Variants in PRR14L observed in about 807,000 individuals in gnomAD.
PRR14L encodes the protein proline rich 14 like, also known as protein PRR14L.
A neutral mutation model predicts 155.0 loss-of-function variants in PRR14L; 80 were observed. That is an observed-to-expected ratio of 0.52 (90% CI 0.43 to 0.62). The LOEUF is 0.62. PRR14L is among the 20% of genes least tolerant of loss of function. The pLI, the probability that PRR14L is intolerant of heterozygous loss-of-function variation, is 0.00. For missense variants in PRR14L, 2,469 were observed against 2,548.0 expected (o/e 0.97, Z 0.67); for synonymous variants, 883 against 916.0 (o/e 0.96, Z 0.65).
intron 1 of PRR14L, among the ~76,000 whole-genome samples, chr22:31,742,311 T>C (rs1386968301): frequency 2.6e-5 from 4 of 152,116 alleles, no homozygotes; most frequent in Non-Finnish European, 4.4e-5. Flanking sequence ...CTTCACTTTC[T>C]TGATAACGTC....
At chr22:31,688,070 T>C (rs1054420436) in intron 8 of PRR14L, 86 bp downstream of exon 8, 109 of 1,148,996 alleles carry the variant, frequency 9.5e-5, no homozygotes, top group Non-Finnish European at 1.3e-4. Flanking sequence ...CAACTGAACA[T>C]AAACTCTTTC....
intron 4 of PRR14L, among the ~76,000 whole-genome samples, chr22:31,708,895 C>G (rs1184640552): frequency 6.6e-6 from 1 of 151,990 alleles, no homozygotes; most frequent in Non-Finnish European, 1.5e-5. Context: ...GGTGCAATCT[C>G]GGCTCAGCAC....
Position 31,716,343 on chromosome 22 carries a change from T to C in PRR14L, c.1496A>G (p.Asn499Ser). The change falls in exon 4 of 9, where the codon AAT (asparagine) becomes AGT (serine). Residue 499 changes from asparagine to serine, a missense_variant. This residue lies in a region of PRR14L where 2,363 missense variants were observed against 2,371.6 expected (regional missense o/e 1.00). Transcript: ENST00000327423. ...NPEDHKETFT[N>S]MSHPGGHSEE... ...AGAGTGTCCACCAGGATGGCTCATA[T>C]TAGTAAAAGTTTCTTTATGGTCCTC... is the stretch of plus-strand genomic sequence containing the variant. 6.4e-7 allele frequency: 1 copy of C among 1,551,258 alleles called. No homozygotes were observed. Among genetic ancestry groups the C allele is most frequent in the Non-Finnish European group, 8.7e-7 (1 of 1,146,866 alleles).
chr22:31,701,012 A>C (rs2074560471), intron 7 of PRR14L, among the ~76,000 whole-genome samples: 1 of 148,014 alleles, frequency 6.8e-6, no homozygotes, highest in Non-Finnish European at 1.5e-5. Flanking sequence ...TTTGAGACGG[A>C]GTTTTGCTCT....
chr22:31,745,863 T>A (rs9609358), intron 1 of PRR14L, among the ~76,000 whole-genome samples: 2,688 of 139,676 alleles, frequency 0.019, 27 homozygotes, highest in Non-Finnish European at 0.028. Context: ...AAAAAAAAAA[T>A]ATATATATAT....
At chr22:31,691,815 T>C (rs2074513155) in intron 7 of PRR14L, among the ~76,000 whole-genome samples, 2 of 152,170 alleles carry the variant, frequency 1.3e-5, no homozygotes, top group African/African-American at 4.8e-5. Context: ...TAGCTATGAA[T>C]AATGCTGCTG....
Position 31,714,547 on chromosome 22 carries a change from G to C in PRR14L, c.3292C>G (p.Arg1098Gly), listed in dbSNP as rs1267942769. The C allele has an allele frequency of 9.0e-6, 14 of 1,551,832 alleles. No individual in the cohort carries two copies. The highest frequency in any genetic ancestry group is 1.2e-5 in the Non-Finnish European group (14 of 1,147,062). Residue 1098 changes from arginine (R) to glycine (G), a missense_variant, in exon 4 of 9, where the codon CGG becomes GGG. Arg to Gly is a moderately radical substitution (Grantham distance 125). This residue lies in a region of PRR14L where 2,363 missense variants were observed against 2,371.6 expected (regional missense o/e 1.00). Coordinates refer to ENST00000327423, the MANE Select transcript of PRR14L (RefSeq NM_173566.3). Reference sequence around the variant, plus strand: ...GTATGTGCAGCATCCAGTTCTCTCCGAGACAAGGTACTCCTGGAGTCCTCT... The same window carrying C: ...GTATGTGCAGCATCCAGTTCTCTCCCAGACAAGGTACTCCTGGAGTCCTCT... ...FQEDSRSTLSRRELDAAHTGT... is the reference protein window; with the variant it reads ...FQEDSRSTLSGRELDAAHTGT...
chr22:31,688,090 A>C, intron 8 of PRR14L, 66 bp downstream of exon 8: 1 of 1,461,886 alleles, frequency 6.8e-7, no homozygotes, highest in South Asian at 1.3e-5. Context: ...CTAAAGTGAA[A>C]GGGCTGGAGA....
chr22:31,725,196 AC>A (rs2074710002), intron 3 of PRR14L, among the ~76,000 whole-genome samples: 1 of 152,042 alleles, frequency 6.6e-6, no homozygotes, highest in South Asian at 2.1e-4. Flanking sequence ...GGAGTTCGAG[AC>A]CAGCCTAGGC....
chr22:31,731,305 C>T (rs5749322), intron 2 of PRR14L, among the ~76,000 whole-genome samples: 2 of 152,062 alleles, frequency 1.3e-5, no homozygotes, highest in Admixed American at 6.6e-5. Context: ...TGGCTCATGC[C>T]TATAATCCTA....
chr22:31,744,646 C>A (rs1370037492), intron 1 of PRR14L, among the ~76,000 whole-genome samples: 1 of 152,156 alleles, frequency 6.6e-6, no homozygotes, highest in African/African-American at 2.4e-5. Flanking sequence ...TTTGAATCCC[C>A]AGCCATAACC....
At position 31,685,486 on chromosome 22, in the gene PRR14L, A is replaced by C; in HGVS notation, c.*41T>G. 6.8e-7 allele frequency: 1 copy of C among 1,476,352 alleles called. No homozygotes were observed. The highest frequency in any genetic ancestry group is 1.3e-5 in the South Asian group (1 of 74,766). 91.5% of individuals were successfully genotyped at this position (1,476,352 alleles called of 1,614,324 possible). A position where few individuals can be genotyped will look rare whatever the true frequency, so the allele number is the denominator to read the frequency against. Reference sequence around the variant, plus strand: ...AAAAAACCCAAAAACAAAACAAAACAAAAAAACCCTAAAATTGAGACCCTC... The same window carrying C: ...AAAAAACCCAAAAACAAAACAAAACCAAAAAACCCTAAAATTGAGACCCTC... On this transcript the variant is annotated 3_prime_UTR_variant, in exon 9 of 9. Coordinates refer to ENST00000327423, the MANE Select transcript of PRR14L (RefSeq NM_173566.3).
intron 2 of PRR14L, among the ~76,000 whole-genome samples, chr22:31,733,315 T>TTTTTTTTG (rs2074760667): frequency 6.9e-6 from 1 of 144,030 alleles, no homozygotes; most frequent in Non-Finnish European, 1.5e-5. Context: ...TTTTTTTTTT[T>TTTTTTTTG]TTTTTTTGAG....
chr22:31,712,110 C>T lies in PRR14L; in HGVS notation c.5729G>A (p.Arg1910Gln), dbSNP rs372288989. 44 of 1,612,780 alleles carry T rather than the reference C, an allele frequency of 2.7e-5. No homozygotes were observed. Among genetic ancestry groups the T allele is most frequent in the African/African-American group, 4.0e-5 (3 of 74,884 alleles). The change falls in exon 4 of 9, where the codon CGG becomes CAG. Residue 1910 changes from arginine to glutamine, a missense_variant. Physicochemically the swap from Arg to Gln is conservative, Grantham distance 43. Around this residue, in one of 2 missense-constraint regions of PRR14L, gnomAD observed 2,363 missense variants for 2,371.6 expected, o/e 1.00. Coordinates refer to ENST00000327423, the MANE Select transcript of PRR14L (RefSeq NM_173566.3). ...GCTTGTGGTGCCCAGACTTGGTTGCCGCTTGCAGTGAGGGGAATGAAGAGA... is the reference window on the plus strand; with the variant it reads ...GCTTGTGGTGCCCAGACTTGGTTGCTGCTTGCAGTGAGGGGAATGAAGAGA... ...ISSLHSPHCKRQPSLGTTSSH... is the reference protein window; with the variant it reads ...ISSLHSPHCKQQPSLGTTSSH...
At position 31,712,752 on chromosome 22, in the gene PRR14L, A is replaced by C. The variant is rs796412263; in HGVS notation, c.5087T>G (p.Ile1696Ser). 6.4e-7 allele frequency: 1 copy of C among 1,551,878 alleles called. No individual in the cohort carries two copies. Among genetic ancestry groups the C allele is most frequent in the Non-Finnish European group, 8.7e-7 (1 of 1,147,038 alleles). ...KPMALYSLES[I>S]KMTFIDLSNK... Reference sequence around the variant, plus strand: ...GCTCAAATCTATGAAGGTCATCTTGATGGATTCGAGAGAATAAAGTGCCAT... The same window carrying C: ...GCTCAAATCTATGAAGGTCATCTTGCTGGATTCGAGAGAATAAAGTGCCAT... The change falls in exon 4 of 9, where the codon ATC becomes AGC. Residue 1696 changes from isoleucine to serine, a missense_variant. Ile to Ser is a moderately radical substitution (Grantham distance 142, BLOSUM62 -2). Around this residue, in one of 2 missense-constraint regions of PRR14L, gnomAD observed 2,363 missense variants for 2,371.6 expected, o/e 1.00. Coordinates refer to ENST00000327423, the MANE Select transcript of PRR14L (RefSeq NM_173566.3).
intron 2 of PRR14L, among the ~76,000 whole-genome samples, chr22:31,734,798 CAT>C (rs1349825472): frequency 3.9e-5 from 6 of 152,230 alleles, no homozygotes; most frequent in African/African-American, 1.2e-4. Flanking sequence ...CTCTCACACA[CAT>C]GACAACAACA....
chr22:31,696,870 T>G (rs1285295225), intron 7 of PRR14L, among the ~76,000 whole-genome samples: 1 of 152,080 alleles, frequency 6.6e-6, no homozygotes, highest in Non-Finnish European at 1.5e-5. Context: ...ATCCCAGCAC[T>G]TTGGGAGGCC....
In PRR14L at chr22:31,716,445, G is replaced by C; in HGVS notation, c.1394C>G (p.Thr465Ser). The change falls in exon 4 of 9, where the codon ACT becomes AGT. Residue 465 changes from threonine to serine, a missense_variant. Physicochemically the swap from Thr to Ser is moderately conservative, Grantham distance 58 (BLOSUM62 1). Around this residue, in one of 2 missense-constraint regions of PRR14L, gnomAD observed 2,363 missense variants for 2,371.6 expected, o/e 1.00. Coordinates refer to ENST00000327423, the MANE Select transcript of PRR14L (RefSeq NM_173566.3). The stretch of plus-strand genomic sequence containing the variant: ...ATTTAACATTACTTCTGTGGCTTCA[G>C]TAAAAGAATTGGGCATTAAAGAACT... ...NSSSLMPNSFTEATEVMLNKN... is the reference protein window; with the variant it reads ...NSSSLMPNSFSEATEVMLNKN... The C allele has an allele frequency of 6.4e-7, 1 of 1,551,366 alleles. No homozygotes were observed. Among genetic ancestry groups the C allele is most frequent in the Non-Finnish European group, 8.7e-7 (1 of 1,146,774 alleles).
intron 7 of PRR14L, among the ~76,000 whole-genome samples, chr22:31,698,298 T>TACA (rs143256755): frequency 0.011 from 1,663 of 152,234 alleles, 28 homozygotes; most frequent in African/African-American, 0.037. Flanking sequence ...GTGCTGTGAT[T>TACA]ACAGGCATGA....
Sources: gnomAD v4.1 joint callset for allele counts (sites outside exome capture counted in the v4.1 genomes callset) on GRCh38, gnomAD v4.1.1 for gene constraint, gnomAD v4.1.1 regional missense constraint, MANE v1.5 for transcripts, NCBI Gene and HGNC (gene_info 2026-07-23, HGNC 2026-07-21) for gene names.